VSIG10: variants seen among roughly 807,000 people sequenced by gnomAD.
VSIG10 encodes V-set and immunoglobulin domain containing 10, also known as V-set and immunoglobulin domain-containing protein 10.
A neutral mutation model predicts 58.7 loss-of-function variants in VSIG10; 48 were observed. The observed-to-expected ratio is 0.82, with a 90% CI of 0.65 to 1.04. VSIG10 has a LOEUF of 1.04. Among genes scored for constraint, VSIG10 ranks in the 50% least tolerant of loss-of-function variants. The probability of loss-of-function intolerance (pLI) is 0.00; values close to 1 mark genes in which losing one functional copy is unlikely to be tolerated. For missense variants in VSIG10, 628 were observed against 670.0 expected (o/e 0.94, Z 0.69); for synonymous variants, 260 against 267.1 (o/e 0.97, Z 0.26).
chr12:118,086,804 AG>A (rs2033141562), intron 2 of VSIG10, among the ~76,000 whole-genome samples: 1 of 152,218 alleles, frequency 6.6e-6, no homozygotes, highest in Admixed American at 6.5e-5. Flanking sequence ...TCTGTCACCC[AG>A]GCTGGAGTGC....
At chr12:118,093,133 CA>C (rs63145763) in intron 2 of VSIG10, among the ~76,000 whole-genome samples, 125,747 of 139,258 alleles carry the variant, frequency 0.9, 56,669 homozygotes, top group East Asian at 0.97. Flanking sequence ...GCTAAAAATA[CA>C]AAAAAAAAAA....
chr12:118,076,936 G>A (rs1414962102), intron 4 of VSIG10, among the ~76,000 whole-genome samples: 1 of 152,160 alleles, frequency 6.6e-6, no homozygotes, highest in East Asian at 1.9e-4. Context: ...TGGGATTACA[G>A]GCGTGAGCCA....
At chr12:118,095,089 G>C (rs1378377787) in intron 2 of VSIG10, among the ~76,000 whole-genome samples, 1 of 152,180 alleles carries the variant, frequency 6.6e-6, no homozygotes, top group African/African-American at 2.4e-5. Flanking sequence ...ATTTTTAATA[G>C]AGATGGGGTT....
intron 2 of VSIG10, among the ~76,000 whole-genome samples, chr12:118,093,890 C>T (rs958766837): frequency 6.6e-6 from 1 of 152,044 alleles, no homozygotes; most frequent in Non-Finnish European, 1.5e-5. Flanking sequence ...GCCTGGGCGA[C>T]TGAGTGAGAC....
At chr12:118,068,279 C>T in intron 8 of VSIG10, 98 bp downstream of exon 8, 1 of 1,138,234 alleles carries the variant, frequency 8.8e-7, no homozygotes, top group East Asian at 3.1e-5. Context: ...AAGTGATCTT[C>T]CCACCTTGGC....
chr12:118,098,798 A>C (rs2033543724), intron 1 of VSIG10, among the ~76,000 whole-genome samples: 1 of 152,102 alleles, frequency 6.6e-6, no homozygotes, highest in Non-Finnish European at 1.5e-5. Context: ...TAGAAATATA[A>C]ATTATCAAGC....
At chr12:118,088,240 GAAA>G (rs61475209) in intron 2 of VSIG10, among the ~76,000 whole-genome samples, 1 of 93,022 alleles carries the variant, frequency 1.1e-5, no homozygotes, top group African/African-American at 3.6e-5. Flanking sequence ...CTGTGTCTCA[GAAA>G]AAAAAAAAAA....
Position 118,103,712 on chromosome 12 carries a change from G to T in VSIG10, c.-41C>A, listed in dbSNP as rs774569072. On this transcript the variant is annotated 5_prime_UTR_variant, in exon 1 of 9. Coordinates refer to ENST00000359236, the MANE Select transcript of VSIG10 (RefSeq NM_019086.6). ...GGCTCAGGAAACGCAGGCTCGGGCT[G>T]GGCTGGACGTGTGTGCCCCAGGGCC... 1 of 1,434,354 alleles carries T rather than the reference G, an allele frequency of 7.0e-7. No homozygotes were observed. Among genetic ancestry groups the T allele is most frequent in the African/African-American group, 1.5e-5 (1 of 67,144 alleles). 88.9% of individuals were successfully genotyped at this position (1,434,354 alleles called of 1,614,324 possible). A position where few individuals can be genotyped will look rare whatever the true frequency, so the allele number is the denominator to read the frequency against.
intron 2 of VSIG10, among the ~76,000 whole-genome samples, 189 bp downstream of exon 2, chr12:118,095,344 G>T (rs1329477433): frequency 6.6e-6 from 1 of 152,242 alleles, no homozygotes; most frequent in East Asian, 1.9e-4. Flanking sequence ...CCCGGCCACA[G>T]AAATTCTTTT....
rs1184094516 is a variant in VSIG10, at chr12:118,063,943, G to T, written c.*2696C>A. 2.0e-5 allele frequency: 3 copies of T among 152,168 alleles called. No individual in the cohort carries two copies. Among genetic ancestry groups the T allele is most frequent in the Non-Finnish European group, 2.9e-5 (2 of 68,020 alleles). The allele number at this position is 152,168 out of a possible 1,614,324, so 9.4% of individuals were successfully genotyped here. A position where few individuals can be genotyped will look rare whatever the true frequency, so the allele number is the denominator to read the frequency against. On this transcript the variant is annotated 3_prime_UTR_variant, in exon 9 of 9. Coordinates refer to ENST00000359236, the MANE Select transcript of VSIG10 (RefSeq NM_019086.6). ...AGAATTGTGGAGGCCCCCTTCCCAG[G>T]CTCCACCAGGGTTTGAGAAAAACAA...
chr12:118,067,261 C>T (rs1212763336), intron 8 of VSIG10, among the ~76,000 whole-genome samples: 5 of 152,032 alleles, frequency 3.3e-5, no homozygotes, highest in South Asian at 2.1e-4. Flanking sequence ...TGAGCTCCAG[C>T]GATCCACCCA....
At chr12:118,075,128 GTA>G (rs1566159646) in intron 4 of VSIG10, among the ~76,000 whole-genome samples, 6 of 140,774 alleles carry the variant, frequency 4.3e-5, no homozygotes, top group Non-Finnish European at 7.6e-5. Flanking sequence ...ATATATATGT[GTA>G]TATATGTATA....
chr12:118,074,072 A>C, intron 4 of VSIG10, 80 bp from the exon 5 acceptor site: 3 of 1,337,696 alleles, frequency 2.2e-6, no homozygotes, highest in Non-Finnish European at 3.0e-6. Flanking sequence ...AAACTGCAGT[A>C]GTTTTTTGTT....
At chr12:118,066,799 C>A in intron 8 of VSIG10, 105 bp from the exon 9 acceptor site, 3 of 1,253,538 alleles carry the variant, frequency 2.4e-6, no homozygotes, top group Non-Finnish European at 2.2e-6. Context: ...TCCTGGTGAG[C>A]CACAGAATGG....
chr12:118,076,647 C>T (rs183357446), intron 4 of VSIG10, among the ~76,000 whole-genome samples: 27 of 151,064 alleles, frequency 1.8e-4, no homozygotes, highest in Non-Finnish European at 2.7e-4. Context: ...CTGATCCTGG[C>T]GCTTCTGATC....
intron 2 of VSIG10, among the ~76,000 whole-genome samples, chr12:118,084,968 G>A (rs1296629397): frequency 6.6e-6 from 1 of 152,106 alleles, no homozygotes; most frequent in Non-Finnish European, 1.5e-5. Flanking sequence ...GCAGTGAGCC[G>A]AGATCGCGCC....
At chr12:118,070,846 C>G in intron 7 of VSIG10, 1 of 620,870 alleles carries the variant, frequency 1.6e-6, no homozygotes, top group East Asian at 2.8e-5. Context: ...ATCCCCTTAT[C>G]TGGAAAATGG....
intron 3 of VSIG10, among the ~76,000 whole-genome samples, chr12:118,080,006 A>C (rs7979346): frequency 6.6e-6 from 1 of 151,766 alleles, no homozygotes; most frequent in African/African-American, 2.4e-5. Flanking sequence ...GCTTATTTTT[A>C]TATTTTTAGT....
At chr12:118,083,069 C>T (rs921084623) in intron 2 of VSIG10, among the ~76,000 whole-genome samples, 6 of 136,426 alleles carry the variant, frequency 4.4e-5, no homozygotes, top group African/African-American at 8.4e-5. Context: ...GCCGATATTG[C>T]GCCACTGCAC....
Sources: allele counts gnomAD v4.1 joint callset (sites outside exome capture counted in the v4.1 genomes callset), GRCh38; gene constraint gnomAD v4.1.1; transcripts MANE v1.5; gene names NCBI Gene and HGNC (gene_info 2026-07-23, HGNC 2026-07-21).